RUNX2: variants seen among roughly 807,000 people sequenced by gnomAD.
The protein encoded by RUNX2 is RUNX family transcription factor 2.
Under a neutral mutation model 51.7 loss-of-function variants are expected in RUNX2, and 10 were observed. The ratio of observed to expected loss-of-function variants is 0.19; its 90% CI spans 0.12 to 0.33. The LOEUF is 0.33. Ranked by LOEUF, RUNX2 falls within the 10% of genes least tolerant of loss-of-function variation. The probability of loss-of-function intolerance (pLI) is 1.00; values close to 1 mark genes in which losing one functional copy is unlikely to be tolerated. For missense variants in RUNX2, 562 were observed against 691.3 expected (o/e 0.81, Z 2.10); for synonymous variants, 276 against 273.6 (o/e 1.01, Z -0.09).
intron 5 of RUNX2, among the ~76,000 whole-genome samples, chr6:45,446,357 T>C (rs916660407): frequency 6.6e-6 from 1 of 152,236 alleles, no homozygotes; most frequent in African/African-American, 2.4e-5. Context: ...ATATGTGTTC[T>C]AAAAACACAT....
intron 2 of RUNX2, among the ~76,000 whole-genome samples, chr6:45,420,913 C>T (rs1798169066): frequency 6.6e-6 from 1 of 151,852 alleles, no homozygotes; most frequent in South Asian, 2.1e-4. Flanking sequence ...ACCACAAAAA[C>T]CTAATCATTA....
intron 7 of RUNX2, among the ~76,000 whole-genome samples, chr6:45,529,903 C>G (rs1283718036): frequency 6.6e-6 from 1 of 152,198 alleles, no homozygotes; most frequent in East Asian, 1.9e-4. Flanking sequence ...TGCCCTCCCC[C>G]TCCAGTCTTA....
At chr6:45,468,761 A>G (rs572120429) in intron 5 of RUNX2, among the ~76,000 whole-genome samples, 1 of 152,246 alleles carries the variant, frequency 6.6e-6, no homozygotes, top group Non-Finnish European at 1.5e-5. Context: ...AAAACTTTTC[A>G]TTCTGTAGGA....
intron 2 of RUNX2, among the ~76,000 whole-genome samples, chr6:45,393,333 T>C (rs1359769089): frequency 6.6e-6 from 1 of 152,240 alleles, no homozygotes; most frequent in Non-Finnish European, 1.5e-5. Context: ...TTTTATGTTT[T>C]TCTGGCTAGG....
chr6:45,541,032 G>T (rs1234579925), intron 7 of RUNX2, among the ~76,000 whole-genome samples: 1 of 152,138 alleles, frequency 6.6e-6, no homozygotes, highest in African/African-American at 2.4e-5. Flanking sequence ...TTACATTTTA[G>T]GTTTGATGTC....
intron 2 of RUNX2, among the ~76,000 whole-genome samples, chr6:45,417,935 C>T (rs1161246043): frequency 3.3e-5 from 5 of 152,154 alleles, no homozygotes; most frequent in East Asian, 1.9e-4. Context: ...CATAGTATGA[C>T]GACTCCTGGT....
At chr6:45,373,786 C>T (rs1195269646) in intron 2 of RUNX2, among the ~76,000 whole-genome samples, 1 of 152,090 alleles carries the variant, frequency 6.6e-6, no homozygotes, top group Non-Finnish European at 1.5e-5. Context: ...CTCCTGACAT[C>T]AAGTGATCCA....
chr6:45,417,126 T>A lies in RUNX2; in HGVS notation c.59-5467T>A, dbSNP rs568813898. On this transcript the variant is annotated intron_variant, in intron 2 of 8. Coordinates refer to ENST00000647337, the MANE Select transcript of RUNX2 (RefSeq NM_001024630.4). ...GGATCACTTAAGTTACTAAGCTAAC[T>A]GTCTGAAAACTGTATATAGGTCTTA... Among the ~76,000 whole-genome samples, 9 of 152,354 alleles carry A rather than the reference T, an allele frequency of 5.9e-5. No homozygotes were observed. The South Asian group carries it at 1.7e-3, about 28-fold the overall frequency.
chr6:45,365,164 A>G, intron 2 of RUNX2: 1 of 1,240,890 alleles, frequency 8.1e-7, no homozygotes, highest in East Asian at 2.4e-5. Context: ...AATAAATTTA[A>G]AATAGTAATA....
intron 5 of RUNX2, among the ~76,000 whole-genome samples, chr6:45,452,894 T>C (rs7751050): frequency 0.053 from 8,125 of 152,254 alleles, 550 homozygotes; most frequent in East Asian, 0.17. Flanking sequence ...TTGGGCTCCA[T>C]GGCTCATTAA....
At chr6:45,537,917 C>T (rs1488685012) in intron 7 of RUNX2, among the ~76,000 whole-genome samples, 1 of 152,154 alleles carries the variant, frequency 6.6e-6, no homozygotes, top group Non-Finnish European at 1.5e-5. Context: ...CCCAGGTCCC[C>T]AAAGAGAATA....
intron 7 of RUNX2, among the ~76,000 whole-genome samples, chr6:45,534,467 A>T (rs960191852): frequency 1.3e-5 from 2 of 152,168 alleles, no homozygotes; most frequent in Non-Finnish European, 1.5e-5. Context: ...ATGTTACCTT[A>T]TTATTTCATG....
At chr6:45,328,584 A>G in intron 1 of RUNX2, 77 bp from the exon 2 acceptor site, 1 of 1,583,184 alleles carries the variant, frequency 6.3e-7, no homozygotes, top group South Asian at 1.2e-5. Context: ...TTGACAGAAA[A>G]AAATAAATAT....
chr6:45,500,349 A>C (rs1800770323), intron 6 of RUNX2, among the ~76,000 whole-genome samples: 1 of 152,216 alleles, frequency 6.6e-6, no homozygotes, highest in Admixed American at 6.5e-5. Context: ...ACTGTATGGC[A>C]CTACTCCCAG....
At chr6:45,427,306 AT>A (rs1207542411) in intron 3 of RUNX2, among the ~76,000 whole-genome samples, 3 of 152,214 alleles carry the variant, frequency 2.0e-5, no homozygotes, top group Non-Finnish European at 4.4e-5. Context: ...CAGAATATCT[AT>A]TGTTAGATGA....
intron 2 of RUNX2, among the ~76,000 whole-genome samples, chr6:45,378,384 G>A (rs1797108714): frequency 6.6e-6 from 1 of 152,214 alleles, no homozygotes; most frequent in African/African-American, 2.4e-5. Flanking sequence ...GGAGTGAACG[G>A]GATCTTAATG....
chr6:45,535,252 A>T (rs570246388), intron 7 of RUNX2, among the ~76,000 whole-genome samples: 172 of 121,782 alleles, frequency 1.4e-3, no homozygotes, highest in Non-Finnish European at 2.8e-3. Context: ...AAGTTAAATT[A>T]AAAAAAAAGG....
chr6:45,343,072 A>G (rs1219809077), intron 2 of RUNX2, among the ~76,000 whole-genome samples: 1 of 152,206 alleles, frequency 6.6e-6, no homozygotes, highest in Non-Finnish European at 1.5e-5. Context: ...TAAAATGTAA[A>G]GTGTCTACAC....
intron 2 of RUNX2, among the ~76,000 whole-genome samples, chr6:45,352,535 A>G (rs1279406036): frequency 6.6e-6 from 1 of 152,158 alleles, no homozygotes; most frequent in Non-Finnish European, 1.5e-5. Context: ...AACTATAAAA[A>G]TAAATCTATA....
Sources: gnomAD v4.1 joint callset for allele counts (sites outside exome capture counted in the v4.1 genomes callset) on GRCh38, gnomAD v4.1.1 for gene constraint, MANE v1.5 for transcripts, NCBI Gene and HGNC (gene_info 2026-07-23, HGNC 2026-07-21) for gene names.